The following OXR1 variants were observed in gnomAD, a reference collection of about 807,000 sequenced individuals.
OXR1 encodes the protein oxidation resistance protein 1.
OXR1 carries 41 observed loss-of-function variants against 104.6 expected under a neutral mutation model. The observed-to-expected ratio is 0.39, with a 90% CI of 0.31 to 0.51. OXR1 has a LOEUF of 0.51. Ranked by LOEUF, OXR1 falls within the 20% of genes least tolerant of loss-of-function variation. The pLI, the probability that OXR1 is intolerant of heterozygous loss-of-function variation, is 0.77. For missense variants in OXR1, 955 were observed against 1,031.9 expected, an observed-to-expected ratio of 0.93 and a Z score of 1.02; for synonymous variants, 348 against 348.4, an observed-to-expected ratio of 1.00 and a Z score of 0.01.
At chr8:106,474,418 A>G (rs1228160183) in intron 2 of OXR1, among the ~76,000 whole-genome samples, 1 of 151,914 alleles carries the variant, frequency 6.6e-6, no homozygotes, top group Non-Finnish European at 1.5e-5. Flanking sequence ...ATAAACTCCA[A>G]TAATCTCAAG....
intron 2 of OXR1, among the ~76,000 whole-genome samples, chr8:106,397,316 G>T (rs967274492): frequency 6.6e-6 from 1 of 152,094 alleles, no homozygotes; most frequent in African/African-American, 2.4e-5. Context: ...GTGGGGTAAG[G>T]CTGAGGAGAG....
intron 2 of OXR1, among the ~76,000 whole-genome samples, chr8:106,399,418 T>C (rs947766429): frequency 2.0e-5 from 3 of 152,310 alleles, no homozygotes; most frequent in Admixed American, 2.0e-4. Flanking sequence ...TGAGTTCTTA[T>C]AGCTTGTTTT....
At chr8:106,438,412 C>G (rs1819665102) in intron 2 of OXR1, among the ~76,000 whole-genome samples, 1 of 152,096 alleles carries the variant, frequency 6.6e-6, no homozygotes, top group South Asian at 2.1e-4. Flanking sequence ...ATATCTCAAT[C>G]ATTTCTATAC....
At chr8:106,469,247 A>G (rs538937959) in intron 2 of OXR1, among the ~76,000 whole-genome samples, 78 of 151,780 alleles carry the variant, frequency 5.1e-4, no homozygotes, top group Non-Finnish European at 8.6e-4. Context: ...TTGGTAATCT[A>G]TGGCCAACCA....
intron 2 of OXR1, chr8:106,447,894 G>A: frequency 6.7e-7 from 1 of 1,502,780 alleles, no homozygotes; most frequent in Non-Finnish European, 8.9e-7. Flanking sequence ...CCCAACAGCC[G>A]GGCTCCTGGC....
chr8:106,339,351 C>T (rs554377065), intron 1 of OXR1, among the ~76,000 whole-genome samples: 8 of 150,148 alleles, frequency 5.3e-5, no homozygotes, highest in South Asian at 4.3e-4. Context: ...AAAAATCAGC[C>T]GGGCGTGGTG....
At position 106,500,329 on chromosome 8, in the gene OXR1, CA is replaced by C. The variant is rs1388858658; in HGVS notation, c.24-18613del. 2.0e-5 allele frequency among the ~76,000 whole-genome samples: 3 copies of C among 152,220 alleles called. No homozygotes were observed. The East Asian group carries it at 5.8e-4, about 29-fold the overall frequency. On this transcript the variant is annotated intron_variant, in intron 2 of 16. Transcript: ENST00000517566. Reference sequence around the variant, plus strand: ...CTGGGCCTGCCTGGCCTAAACCCAGCAGTTAAAAATCAACTCATGACTTAGA... The same window carrying C: ...CTGGGCCTGCCTGGCCTAAACCCAGCGTTAAAAATCAACTCATGACTTAGA...
chr8:106,392,736 T>G (rs4308707), intron 2 of OXR1, among the ~76,000 whole-genome samples: 90,923 of 151,926 alleles, frequency 0.6, 27,762 homozygotes, highest in Middle Eastern at 0.66. Context: ...AACCAGCTAG[T>G]TATGTCATAG....
intron 1 of OXR1, among the ~76,000 whole-genome samples, chr8:106,278,428 G>A (rs1812146876): frequency 6.6e-6 from 1 of 151,446 alleles, no homozygotes; most frequent in East Asian, 1.9e-4. Context: ...TTTACAGGAA[G>A]GCTACTAAGA....
intron 2 of OXR1, among the ~76,000 whole-genome samples, chr8:106,465,548 A>T (rs1381262288): frequency 6.6e-6 from 1 of 151,984 alleles, no homozygotes; most frequent in Admixed American, 6.6e-5. Context: ...CAGGTAAGAG[A>T]TGCTGTTGAC....
At chr8:106,444,407 A>G (rs1481329551) in intron 2 of OXR1, among the ~76,000 whole-genome samples, 1 of 152,226 alleles carries the variant, frequency 6.6e-6, no homozygotes, top group Admixed American at 6.5e-5. Flanking sequence ...TTGCAGCACT[A>G]TTTACAATAT....
At chr8:106,697,534 C>G in intron 7 of OXR1, 1 of 1,611,364 alleles carries the variant, frequency 6.2e-7, no homozygotes, top group Non-Finnish European at 8.5e-7. Context: ...CGAGAAGTTC[C>G]GAGGATTCTC....
At chr8:106,417,837 A>G (rs1484370929) in intron 2 of OXR1, among the ~76,000 whole-genome samples, 1 of 152,154 alleles carries the variant, frequency 6.6e-6, no homozygotes, top group Non-Finnish European at 1.5e-5. Context: ...TAAAGGGATT[A>G]TTTGCAGAGG....
intron 2 of OXR1, among the ~76,000 whole-genome samples, chr8:106,516,831 T>A (rs374921717): frequency 1.3e-5 from 2 of 152,176 alleles, no homozygotes; most frequent in African/African-American, 4.8e-5. Context: ...CAGTATATTG[T>A]TATAGTTGTT....
At chr8:106,308,660 A>G (rs1366002710) in intron 1 of OXR1, among the ~76,000 whole-genome samples, 3 of 152,298 alleles carry the variant, frequency 2.0e-5, no homozygotes, top group Non-Finnish European at 4.4e-5. Context: ...AACATCAGGA[A>G]GCTTTTACAT....
chr8:106,505,188 T>A (rs572866724), intron 2 of OXR1, among the ~76,000 whole-genome samples: 3 of 152,182 alleles, frequency 2.0e-5, no homozygotes, highest in South Asian at 2.1e-4. Context: ...TTTGGGACAT[T>A]GTGACTGAGC....
chr8:106,496,874 T>C (rs1245614041), intron 2 of OXR1, among the ~76,000 whole-genome samples: 1 of 152,180 alleles, frequency 6.6e-6, no homozygotes, highest in African/African-American at 2.4e-5. Context: ...GGTGAACTAG[T>C]GTGGCCCAAT....
rs1818127782 is a variant in OXR1 at position 106,404,338 on chromosome 8, C to T, written c.23+44702C>T. The stretch of plus-strand genomic sequence containing the variant: ...CCCCAACTTCATCAGAGTTTTCCTA[C>T]ATATCTCCATCCCAACTTACAGGAT... On this transcript the variant is annotated intron_variant, in intron 2 of 16. Transcript: ENST00000517566. Among the ~76,000 whole-genome samples, 3 of 152,156 alleles carry T rather than the reference C, an allele frequency of 2.0e-5. No homozygotes were observed. The East Asian group carries it at 5.8e-4, about 29-fold the overall frequency.
At chr8:106,380,403 C>T (rs986290236) in intron 2 of OXR1, among the ~76,000 whole-genome samples, 10 of 152,230 alleles carry the variant, frequency 6.6e-5, no homozygotes, top group African/African-American at 2.4e-4. Context: ...TACATTTTGG[C>T]TAGTATGAAT....
Sources: allele counts gnomAD v4.1 joint callset (sites outside exome capture counted in the v4.1 genomes callset), GRCh38; gene constraint gnomAD v4.1.1; transcripts MANE v1.5; gene names NCBI Gene and HGNC (gene_info 2026-07-23, HGNC 2026-07-21).